C3: variants seen among roughly 807,000 people sequenced by gnomAD.
The protein encoded by C3 is complement C3.
C3 carries 97 observed loss-of-function variants against 207.9 expected under a neutral mutation model. That is an observed-to-expected ratio of 0.47 (90% confidence interval 0.40 to 0.55). The LOEUF (loss-of-function observed/expected upper bound fraction) is 0.55, where lower values mean the gene tolerates loss of function less well. C3 is among the 20% of genes least tolerant of loss of function. The probability of loss-of-function intolerance (pLI) is 0.00; values close to 1 mark genes in which losing one functional copy is unlikely to be tolerated. For synonymous variants in C3, 848 were observed against 857.6 expected (o/e 0.99, Z 0.20); for missense variants, 1,684 against 2,171.7 (o/e 0.78, Z 4.46).
rs759976981 is a variant in C3, at chr19:6,696,578, C to G, written c.2863+15G>C. 6.2e-7 allele frequency: 1 copy of G among 1,613,738 alleles called. No homozygotes were observed. The highest frequency in any genetic ancestry group is 8.5e-7 in the Non-Finnish European group (1 of 1,179,686). On this transcript the variant is annotated intron_variant, in intron 22 of 40. Coordinates refer to ENST00000245907, the MANE Select transcript of C3 (RefSeq NM_000064.4). ...CCTGCCAGCCCCTCAGCCCCTCCCCCTGCAGCCGACTCACCACGGCCCAGG... is the reference window on the plus strand; with the variant it reads ...CCTGCCAGCCCCTCAGCCCCTCCCCGTGCAGCCGACTCACCACGGCCCAGG...
At position 6,713,387 on chromosome 19, in the gene C3, G is replaced by T. The variant is rs753111640; in HGVS notation, c.876+20C>A. Reference sequence around the variant, plus strand: ...GGCGGGGACTGGGGCAGGGATCAAAGCGGCCTCCGTCTATGGTACCGGAAT... The same window carrying T: ...GGCGGGGACTGGGGCAGGGATCAAATCGGCCTCCGTCTATGGTACCGGAAT... On this transcript the variant is annotated intron_variant, in intron 8 of 40. Transcript: ENST00000245907. 10 of 1,613,746 alleles carry T rather than the reference G, an allele frequency of 6.2e-6. No individual in the cohort carries two copies. The East Asian group carries it at 1.1e-4, about 18-fold the overall frequency.
intron 23 of C3, among the ~76,000 whole-genome samples, chr19:6,695,218 C>T (rs550104832): frequency 5.3e-5 from 8 of 149,878 alleles, no homozygotes; most frequent in East Asian, 2.0e-4. Context: ...TGCAGTGAGC[C>T]GAGATCACGC....
chr19:6,686,430 C>T, intron 28 of C3, 143 bp from the exon 29 acceptor site: 8 of 875,902 alleles, frequency 9.1e-6, no homozygotes, highest in Non-Finnish European at 1.5e-5. Context: ...AATTACTTGG[C>T]TCCTGCCTTA....
Position 6,697,370 on chromosome 19 carries a change from C to T in C3, c.2770G>A (p.Gly924Ser). 6.2e-7 allele frequency: 1 copy of T among 1,614,044 alleles called. No individual in the cohort carries two copies. The highest frequency in any genetic ancestry group is 8.5e-7 in the Non-Finnish European group (1 of 1,179,960). ...ACGACCTTCAGGGACTTCCTGACACCGTCACTGATGAAATGATGGTAGACA... is the reference window on the plus strand; with the variant it reads ...ACGACCTTCAGGGACTTCCTGACACTGTCACTGATGAAATGATGGTAGACA... ...AAVYHHFISD[G>S]VRKSLKVVPE... The change falls in exon 21 of 41, where the codon GGT (glycine) becomes AGT (serine). Residue 924 changes from glycine to serine, a missense_variant. By Grantham distance (56) the Gly-to-Ser change is moderately conservative. This residue lies in a region of C3 where 1,280 missense variants were observed against 1,739.1 expected (regional missense o/e 0.74). Transcript: ENST00000245907.
At chr19:6,710,480 GAGAC>G (rs1350056470) in intron 13 of C3, among the ~76,000 whole-genome samples, 155 bp downstream of exon 13, 1 of 149,782 alleles carries the variant, frequency 6.7e-6, no homozygotes, top group Non-Finnish European at 1.5e-5. Flanking sequence ...AGACAGTTGA[GAGAC>G]AGAGAGGGAG....
intron 13 of C3, among the ~76,000 whole-genome samples, chr19:6,710,162 G>A (rs1458576519): frequency 1.4e-5 from 2 of 143,400 alleles, no homozygotes; most frequent in African/African-American, 5.2e-5. Flanking sequence ...GGGAGAGGGA[G>A]AGAGAGGGAA....
intron 24 of C3, 97 bp from the exon 25 acceptor site, chr19:6,693,584 C>G (rs1384677210): frequency 9.4e-7 from 1 of 1,062,642 alleles, no homozygotes; most frequent in Non-Finnish European, 1.4e-6. Flanking sequence ...GGGACAGGGG[C>G]TCAGGGTGGC....
At chr19:6,713,380 G>A (rs768039642) in intron 8 of C3, 27 bp downstream of exon 8, 1 of 1,613,718 alleles carries the variant, frequency 6.2e-7, no homozygotes, top group Non-Finnish European at 8.5e-7. Context: ...CTGGGGCAGG[G>A]ATCAAAGCGG....
At chr19:6,678,818 C>T (rs1254996023) in intron 38 of C3, among the ~76,000 whole-genome samples, 1 of 152,130 alleles carries the variant, frequency 6.6e-6, no homozygotes, top group Admixed American at 6.5e-5. Context: ...TTCAGGACCT[C>T]ACACTCACTG....
At position 6,693,464 on chromosome 19, in the gene C3, T is replaced by C. The variant is rs770379741; in HGVS notation, c.3178A>G (p.Arg1060Gly). The C allele has an allele frequency of 6.2e-7, 1 of 1,612,354 alleles. No individual in the cohort carries two copies. Among genetic ancestry groups the C allele is most frequent in the Non-Finnish European group, 8.5e-7 (1 of 1,179,544 alleles). ...KKGYTQQLAF[R>G]QPSSAFAAFV... ...GCCGCAAAGGCAGAGCTGGGTTGTC[T>C]GAAGGCCAGCTGCTGGGTGTACCCT... Residue 1060 changes from arginine to glycine, a missense_variant, in exon 25 of 41, where the codon AGA becomes GGA. Coordinates refer to ENST00000245907, the MANE Select transcript of C3 (RefSeq NM_000064.4).
In C3 at chr19:6,679,168, C is replaced by T. The variant is rs1435776191; in HGVS notation, c.4587G>A (p.Leu1529=). 1.9e-6 allele frequency: 3 copies of T among 1,614,228 alleles called. No individual in the cohort carries two copies. The highest frequency in any genetic ancestry group is 2.5e-6 in the Non-Finnish European group (3 of 1,180,042). The part of the protein sequence containing the change: ...FIQKSDDKVT[L]EERLDKACEP... ...CACAGGCCTTGTCCAGCCGTTCTTC[C>T]AGGGTGACCTTGTCATCCGACTTTT... Residue 1529 remains leucine (L), a synonymous_variant, in exon 38 of 41, where the codon CTG becomes CTA. Coordinates refer to ENST00000245907, the MANE Select transcript of C3 (RefSeq NM_000064.4).
chr19:6,716,101 T>C (rs751887324), intron 4 of C3, among the ~76,000 whole-genome samples: 5 of 152,226 alleles, frequency 3.3e-5, no homozygotes, highest in Non-Finnish European at 7.3e-5. Flanking sequence ...TTTTACATTT[T>C]TTTTGTAGAG....
intron 36 of C3, 150 bp downstream of exon 36, chr19:6,680,008 G>C (rs1917819309): frequency 4.4e-6 from 3 of 677,956 alleles, no homozygotes; most frequent in Non-Finnish European, 8.3e-6. Context: ...AGATCCTTGG[G>C]ACCCTCAGAC....
At chr19:6,688,195 A>G (rs1918061630) in intron 27 of C3, among the ~76,000 whole-genome samples, 1 of 151,738 alleles carries the variant, frequency 6.6e-6, no homozygotes, top group Admixed American at 6.6e-5. Context: ...GCATGGCGCA[A>G]TCTCGGCTCA....
At position 6,713,982 on chromosome 19, in the gene C3, A is replaced by C; in HGVS notation, c.773+10T>G. 6.5e-7 allele frequency: 1 copy of C among 1,532,350 alleles called. No individual in the cohort carries two copies. The highest frequency in any genetic ancestry group is 1.6e-5 in the African/African-American group (1 of 62,434). 94.9% of individuals were successfully genotyped at this position (1,532,350 alleles called of 1,614,324 possible). ...CTGGCTCTTACCTGGCCCCACCCCC[A>C]GTCCCTCACCTGGCGGTGATGGTGA... On this transcript the variant is annotated intron_variant, in intron 7 of 40. Transcript: ENST00000245907.
chr19:6,703,264 A>G (rs951262765), intron 17 of C3, among the ~76,000 whole-genome samples: 5 of 152,216 alleles, frequency 3.3e-5, no homozygotes, highest in East Asian at 1.9e-4. Flanking sequence ...AAGGACATAT[A>G]CAATGCAGAC....
At position 6,719,443 on chromosome 19, in the gene C3, G is replaced by C; in HGVS notation, c.75-40C>G. The C allele has an allele frequency of 6.3e-7, 1 of 1,579,978 alleles. No individual in the cohort carries two copies. The highest frequency in any genetic ancestry group is 8.7e-7 in the Non-Finnish European group (1 of 1,150,186). On this transcript the variant is annotated intron_variant, in intron 1 of 40. Transcript: ENST00000245907. This position sits in a 1 kb window ranked among gnomAD's most constrained non-coding sequence, Gnocchi z 5.4. The stretch of plus-strand genomic sequence containing the variant: ...CACGGGAGTGGGCTTGTCATTCCAC[G>C]GATGTGAGACGCCAGTCCTCACTGG...
At chr19:6,685,667 C>G (rs535000694) in intron 29 of C3, among the ~76,000 whole-genome samples, 23 of 152,268 alleles carry the variant, frequency 1.5e-4, no homozygotes. Flanking sequence ...GAAACCATGG[C>G]CTAGAAGAGG....
intron 27 of C3, among the ~76,000 whole-genome samples, chr19:6,689,921 G>A (rs576562702): frequency 9.9e-5 from 15 of 152,210 alleles, no homozygotes; most frequent in Non-Finnish European, 2.2e-4. Context: ...GGCAAAGGGT[G>A]CAGTGAGCTG....
Sources: gnomAD v4.1 joint callset for allele counts (sites outside exome capture counted in the v4.1 genomes callset) on GRCh38, gnomAD v4.1.1 for gene constraint, gnomAD v4.1.1 regional missense constraint, Gnocchi (gnomAD v3.1) non-coding constraint, MANE v1.5 for transcripts, NCBI Gene and HGNC (gene_info 2026-07-23, HGNC 2026-07-21) for gene names.